The following STON2 variants were observed in gnomAD, a reference collection of about 807,000 sequenced individuals.
STON2 encodes stonin 2.
In STON2, 29 loss-of-function variants were observed where a neutral mutation model predicts 65.7. The observed-to-expected ratio is 0.44, with a 90% CI of 0.33 to 0.60. The LOEUF (loss-of-function observed/expected upper bound fraction) is 0.60, where lower values mean the gene tolerates loss of function less well. Ranked by LOEUF, STON2 falls within the 20% of genes least tolerant of loss-of-function variation. The probability of loss-of-function intolerance (pLI) is 0.03; values close to 1 mark genes in which losing one functional copy is unlikely to be tolerated. For synonymous variants in STON2, 404 were observed against 414.2 expected (o/e 0.98, Z 0.30); for missense variants, 1,054 against 1,118.1 (o/e 0.94, Z 0.82).
chr14:81,288,346 T>C (rs1895420643), intron 5 of STON2, among the ~76,000 whole-genome samples: 2 of 152,186 alleles, frequency 1.3e-5, no homozygotes, highest in Non-Finnish European at 2.9e-5. Flanking sequence ...CTAGGTAGTA[T>C]ATCATCATAG....
At chr14:81,292,445 T>C (rs1221325702) in intron 5 of STON2, among the ~76,000 whole-genome samples, 1 of 152,202 alleles carries the variant, frequency 6.6e-6, no homozygotes, top group South Asian at 2.1e-4. Context: ...CCTCTTGTCA[T>C]TGGAGGGACC....
intron 5 of STON2, among the ~76,000 whole-genome samples, chr14:81,294,465 T>C (rs1328783865): frequency 1.3e-5 from 2 of 152,212 alleles, no homozygotes; most frequent in African/African-American, 4.8e-5. Context: ...CTCCACCTAC[T>C]AGCTCTGTGA....
At chr14:81,283,872 G>C (rs533714352) in intron 5 of STON2, among the ~76,000 whole-genome samples, 1 of 152,280 alleles carries the variant, frequency 6.6e-6, no homozygotes, top group South Asian at 2.1e-4. Flanking sequence ...GCAACCCAAA[G>C]TCTGTCAGCA....
At chr14:81,409,905 C>T (rs1370784746) in intron 2 of STON2, among the ~76,000 whole-genome samples, 1 of 152,314 alleles carries the variant, frequency 6.6e-6, no homozygotes, top group African/African-American at 2.4e-5. Context: ...CAACTTCTAG[C>T]TAGTTAAACA....
At chr14:81,344,732 C>T (rs1369937961) in intron 4 of STON2, among the ~76,000 whole-genome samples, 1 of 152,176 alleles carries the variant, frequency 6.6e-6, no homozygotes, top group Non-Finnish European at 1.5e-5. Flanking sequence ...ATGCAAATTC[C>T]CAATTCTCCA....
intron 4 of STON2, among the ~76,000 whole-genome samples, chr14:81,365,085 G>A (rs1312203172): frequency 6.6e-6 from 1 of 152,206 alleles, no homozygotes; most frequent in Non-Finnish European, 1.5e-5. Context: ...AATAAAGGTT[G>A]CCAGATGGAG....
Position 81,371,009 on chromosome 14 carries a change from C to A in STON2, c.550G>T (p.Ala184Ser). The part of the protein sequence containing the change: ...INAEEQTSGQ[A>S]SGADSTDKRT... The stretch of plus-strand genomic sequence containing the variant: ...TTACCAGTTGAGTCAGCCCCAGAAG[C>A]CTGGCCACTCGTCTGCTCCTCAGCA... The change falls in exon 4 of 8, where the codon GCT (alanine) becomes TCT (serine). Residue 184 changes from alanine (A) to serine (S), a missense_variant. Coordinates refer to ENST00000614646, the MANE Select transcript of STON2 (RefSeq NM_001394390.1). 1 of 1,612,822 alleles carries A rather than the reference C, an allele frequency of 6.2e-7. No individual in the cohort carries two copies. The highest frequency in any genetic ancestry group is 8.5e-7 in the Non-Finnish European group (1 of 1,179,972).
chr14:81,278,554 G>A lies in STON2; in HGVS notation c.928C>T (p.Pro310Ser). 2.5e-6 allele frequency: 4 copies of A among 1,612,068 alleles called. No homozygotes were observed. The highest frequency in any genetic ancestry group is 1.3e-5 in the African/African-American group (1 of 74,988). Residue 310 changes from proline (P) to serine (S), a missense_variant, in exon 6 of 8, where the codon CCA becomes TCA. Physicochemically the swap from Pro to Ser is moderately conservative, Grantham distance 74. Coordinates refer to ENST00000614646, the MANE Select transcript of STON2 (RefSeq NM_001394390.1). The part of the protein sequence containing the change: ...PLPPVTSPLK[P>S]NTPPSASVIP... ...ACAGATGCACTTGGTGGTGTATTTG[G>A]CTTCAGAGGAGAGGTGACTGGTGGT...
intron 5 of STON2, among the ~76,000 whole-genome samples, chr14:81,306,222 T>C (rs28447142): frequency 1.9e-4 from 7 of 37,146 alleles, no homozygotes; most frequent in South Asian, 1.5e-3. Context: ...TACATACTCT[T>C]TTTTTTTTTT....
At position 81,264,178 on chromosome 14, in the gene STON2, C is replaced by T; in HGVS notation, c.*4236G>A. 1.0e-6 allele frequency: 1 copy of T among 985,352 alleles called. No homozygotes were observed. The highest frequency in any genetic ancestry group is 1.2e-6 in the Non-Finnish European group (1 of 829,918). 61.0% of individuals were successfully genotyped at this position (985,352 alleles called of 1,614,324 possible). On this transcript the variant is annotated 3_prime_UTR_variant, in exon 8 of 8. Coordinates refer to ENST00000614646, the MANE Select transcript of STON2 (RefSeq NM_001394390.1). ...GCATCTATGCTACTATGCTTTGGGG[C>T]ACAAAAATGTTTTTCAATGTGAATG...
chr14:81,372,672 T>C (rs1356409598), intron 3 of STON2, among the ~76,000 whole-genome samples: 2 of 151,600 alleles, frequency 1.3e-5, no homozygotes, highest in South Asian at 2.1e-4. Context: ...GAAACTACCA[T>C]GTATTGAGTA....
chr14:81,352,647 C>T lies in STON2; in HGVS notation c.571+18341G>A, dbSNP rs113644050. 1.0e-3 allele frequency among the ~76,000 whole-genome samples: 157 copies of T among 152,320 alleles called. No homozygotes were observed. The East Asian group carries it at 0.028, about 27-fold the overall frequency. ...ATTCTTAATTTTAGCACTTAACTAA[C>T]GTGTGACTCTGGCATTGGTGTCCTC... On this transcript the variant is annotated intron_variant, in intron 4 of 7. Transcript: ENST00000614646.
At chr14:81,281,953 T>C (rs1296239412) in intron 5 of STON2, among the ~76,000 whole-genome samples, 1 of 152,226 alleles carries the variant, frequency 6.6e-6, no homozygotes, top group Non-Finnish European at 1.5e-5. Flanking sequence ...TAATTGCATG[T>C]ATTTTTAAAA....
chr14:81,310,998 C>T (rs1896403345), intron 5 of STON2, among the ~76,000 whole-genome samples: 2 of 152,124 alleles, frequency 1.3e-5, no homozygotes, highest in African/African-American at 4.8e-5. Context: ...TGATATCCCT[C>T]GAGTACTTGT....
In STON2 at chr14:81,263,994, G is replaced by T; in HGVS notation, c.*4420C>A. The T allele has an allele frequency of 4.1e-6, 4 of 985,362 alleles. No homozygotes were observed. The highest frequency in any genetic ancestry group is 4.8e-6 in the Non-Finnish European group (4 of 829,930). 61.0% of individuals were successfully genotyped at this position (985,362 alleles called of 1,614,324 possible). A position where few individuals can be genotyped will look rare whatever the true frequency, so the allele number is the denominator to read the frequency against. On this transcript the variant is annotated 3_prime_UTR_variant, in exon 8 of 8. Transcript: ENST00000614646. ...AAATAAATGCAAAGTAACGGTCAGC[G>T]GTTAGTGCTGGAAGAACAAAGACCT...
chr14:81,282,783 C>T (rs1895177270), intron 5 of STON2, among the ~76,000 whole-genome samples: 1 of 152,102 alleles, frequency 6.6e-6, no homozygotes, highest in Non-Finnish European at 1.5e-5. Context: ...AAACAAAGTG[C>T]TTAGCTATAG....
chr14:81,421,533 A>G (rs905508905), intron 2 of STON2, among the ~76,000 whole-genome samples: 7 of 152,232 alleles, frequency 4.6e-5, no homozygotes, highest in African/African-American at 1.7e-4. Flanking sequence ...TAGGCATCGC[A>G]AGATGGGGGA....
chr14:81,281,504 GTTA>G (rs1213585565), intron 5 of STON2, among the ~76,000 whole-genome samples: 1 of 152,130 alleles, frequency 6.6e-6, no homozygotes, highest in Non-Finnish European at 1.5e-5. Flanking sequence ...TGGCATCAGG[GTTA>G]TCCTTTTTGT....
At chr14:81,328,729 C>A (rs1897091054) in intron 4 of STON2, among the ~76,000 whole-genome samples, 1 of 152,118 alleles carries the variant, frequency 6.6e-6, no homozygotes, top group African/African-American at 2.4e-5. Context: ...AATGCCCTCC[C>A]TGGGGAGGCA....
Sources: allele counts gnomAD v4.1 joint callset (sites outside exome capture counted in the v4.1 genomes callset), GRCh38; gene constraint gnomAD v4.1.1; transcripts MANE v1.5; gene names NCBI Gene and HGNC (gene_info 2026-07-23, HGNC 2026-07-21).